The following ROBO1 variants were observed in gnomAD, a reference collection of about 807,000 sequenced individuals.
ROBO1 encodes roundabout homolog 1.
ROBO1 carries 149 observed loss-of-function variants against 195.9 expected under a neutral mutation model. The observed-to-expected ratio is 0.76, with a 90% confidence interval of 0.67 to 0.87. The LOEUF (loss-of-function observed/expected upper bound fraction) is 0.87. Ranked by LOEUF, ROBO1 falls within the 40% of genes least tolerant of loss-of-function variation. The probability of loss-of-function intolerance (pLI) is 0.00; values close to 1 mark genes in which losing one functional copy is unlikely to be tolerated. For synonymous variants in ROBO1, 816 were observed against 733.2 expected, an observed-to-expected ratio of 1.11 and a Z score of -1.82; for missense variants, 1,933 against 2,068.3, an observed-to-expected ratio of 0.93 and a Z score of 1.27.
intron 2 of ROBO1, among the ~76,000 whole-genome samples, chr3:79,502,340 G>T (rs896095358): frequency 6.6e-6 from 1 of 152,270 alleles, no homozygotes; most frequent in East Asian, 1.9e-4. Context: ...TCGGCGAGCC[G>T]CACTTGGAGC....
At chr3:78,929,424 G>A (rs1222434179) in intron 4 of ROBO1, among the ~76,000 whole-genome samples, 1 of 152,090 alleles carries the variant, frequency 6.6e-6, no homozygotes, top group Non-Finnish European at 1.5e-5. Context: ...AGTGTCTCAA[G>A]CAACCTCAGG....
chr3:79,592,452 A>G (rs768279669), intron 1 of ROBO1, among the ~76,000 whole-genome samples: 1 of 152,028 alleles, frequency 6.6e-6, no homozygotes, highest in South Asian at 2.1e-4. Context: ...GTACCCAGAA[A>G]TCAGAAATTA....
intron 1 of ROBO1, among the ~76,000 whole-genome samples, chr3:79,597,262 T>C (rs1159437685): frequency 6.6e-6 from 1 of 151,984 alleles, no homozygotes; most frequent in African/African-American, 2.4e-5. Flanking sequence ...TAGTTGGAAG[T>C]GCATTTCGTG....
At chr3:78,748,746 C>A (rs1319072317) in intron 4 of ROBO1, among the ~76,000 whole-genome samples, 1 of 152,048 alleles carries the variant, frequency 6.6e-6, no homozygotes, top group African/African-American at 2.4e-5. Context: ...AAAAAATCCC[C>A]ATTTTCTAAT....
intron 4 of ROBO1, among the ~76,000 whole-genome samples, chr3:78,817,122 A>G (rs898176771): frequency 6.6e-6 from 1 of 152,186 alleles, no homozygotes; most frequent in African/African-American, 2.4e-5. Flanking sequence ...CATGCTACAG[A>G]AAAATCTTTA....
intron 4 of ROBO1, among the ~76,000 whole-genome samples, chr3:78,823,267 G>A (rs1475772697): frequency 6.7e-6 from 1 of 148,848 alleles, no homozygotes; most frequent in Non-Finnish European, 1.5e-5. Flanking sequence ...TTTCTGCGAT[G>A]CCTTTGTGCC....
At chr3:79,377,593 T>C (rs1162665048) in intron 2 of ROBO1, among the ~76,000 whole-genome samples, 1 of 152,224 alleles carries the variant, frequency 6.6e-6, no homozygotes, top group African/African-American at 2.4e-5. Flanking sequence ...GATGTAGTTT[T>C]TGCCTAATAT....
In ROBO1 at chr3:79,428,686, C is replaced by A. The variant is rs139134109; in HGVS notation, c.88+161138G>T. Among the ~76,000 whole-genome samples, 8 of 152,214 alleles carry A rather than the reference C, an allele frequency of 5.3e-5. No homozygotes were observed. In the East Asian group the frequency reaches 9.7e-4, roughly 18 times the overall value. ...CCCACATGAAGAGTGTTTATATCAG[C>A]TTTATTCATAATCACCTCCACCTGG... On this transcript the variant is annotated intron_variant, in intron 2 of 30. Coordinates refer to ENST00000464233, the MANE Select transcript of ROBO1 (RefSeq NM_002941.4).
intron 3 of ROBO1, among the ~76,000 whole-genome samples, chr3:79,084,384 G>C (rs1304377730): frequency 6.6e-6 from 1 of 152,088 alleles, no homozygotes; most frequent in African/African-American, 2.4e-5. Flanking sequence ...TGTAATCCCC[G>C]CTACTCAGGA....
rs372369623 is a variant in ROBO1 at position 78,607,019 on chromosome 3, C to T, written c.4458G>A (p.Pro1486=). Residue 1486 remains proline, a synonymous_variant, in exon 29 of 31, where the codon CCG becomes CCA. Transcript: ENST00000464233. ...YTDDLPPPPV[P]PPAIKSPTAQ... ...CAGTAGGTGACTTTATAGCAGGTGG[C>T]GGCACAGGAGGTGGTGGAAGATCTA... 3.5e-5 allele frequency: 57 copies of T among 1,611,082 alleles called. 1 individual carries two copies. In the East Asian group the frequency reaches 4.7e-4, roughly 13 times the overall value.
At position 79,717,740 on chromosome 3, in the gene ROBO1, C is replaced by T. The variant is rs550978903; in HGVS notation, c.-51+50012G>A. Among the ~76,000 whole-genome samples the T allele has an allele frequency of 4.6e-5, 7 of 152,042 alleles. No individual in the cohort carries two copies. The South Asian group carries it at 1.2e-3, about 27-fold the overall frequency. On this transcript the variant is annotated intron_variant, in intron 1 of 30. Coordinates refer to ENST00000464233, the MANE Select transcript of ROBO1 (RefSeq NM_002941.4). Reference sequence around the variant, plus strand: ...GTGTGTTTCAATTTTTTAAAACTTACAGTGCTATTCTGAAAAACTTTAGAG... The same window carrying T: ...GTGTGTTTCAATTTTTTAAAACTTATAGTGCTATTCTGAAAAACTTTAGAG...
intron 2 of ROBO1, among the ~76,000 whole-genome samples, chr3:79,338,097 TA>T (rs1200877211): frequency 6.6e-6 from 1 of 152,164 alleles, no homozygotes; most frequent in Non-Finnish European, 1.5e-5. Flanking sequence ...CTTTAAAATT[TA>T]AAAAGTGTTG....
At chr3:79,416,603 TA>T (rs76259270) in intron 2 of ROBO1, among the ~76,000 whole-genome samples, 246 of 113,756 alleles carry the variant, frequency 2.2e-3, no homozygotes, top group Middle Eastern at 5.2e-3. Flanking sequence ...GTGAAACTCT[TA>T]AAAAAAAAAA....
intron 26 of ROBO1, among the ~76,000 whole-genome samples, chr3:78,621,041 T>C (rs1704426600): frequency 1.3e-5 from 2 of 151,770 alleles, no homozygotes; most frequent in South Asian, 4.2e-4. Context: ...TGTGTATATA[T>C]CTGTTATATA....
Position 79,322,017 on chromosome 3 carries a change from T to C in ROBO1, c.89-196478A>G, listed in dbSNP as rs1013194500. 2.6e-5 allele frequency among the ~76,000 whole-genome samples: 4 copies of C among 152,218 alleles called. No homozygotes were observed. The East Asian group carries it at 7.7e-4, about 29-fold the overall frequency. On this transcript the variant is annotated intron_variant, in intron 2 of 30. Transcript: ENST00000464233. ...ATCAAGCACTTCCATTTTTAAAAGG[T>C]CCTAAGATGCTACTAATTCTACTGG... is the stretch of plus-strand genomic sequence containing the variant.
chr3:79,165,903 G>T (rs930848622), intron 2 of ROBO1, among the ~76,000 whole-genome samples: 1 of 152,072 alleles, frequency 6.6e-6, no homozygotes, highest in Non-Finnish European at 1.5e-5. Context: ...AATGTGAGTG[G>T]GCCTGATTCA....
At chr3:79,735,802 C>T (rs1576300049) in intron 1 of ROBO1, among the ~76,000 whole-genome samples, 1 of 148,884 alleles carries the variant, frequency 6.7e-6, no homozygotes, top group Non-Finnish European at 1.5e-5. Context: ...ACCTGGGAGG[C>T]GGAGCTTGCA....
Position 79,589,746 on chromosome 3 carries a change from C to A in ROBO1, c.88+78G>T, listed in dbSNP as rs573087660. 4.2e-3 allele frequency: 4,867 copies of A among 1,170,902 alleles called. 20 individuals carry two copies. Among genetic ancestry groups the A allele is most frequent in the Non-Finnish European group, 5.7e-3 (4,498 of 790,866 alleles). 72.5% of individuals were successfully genotyped at this position (1,170,902 alleles called of 1,614,324 possible). ...GAAAATGAACAAACTTGATTTGCAACACACACAATAAAAAGTGAATTTAAA... is the reference window on the plus strand; with the variant it reads ...GAAAATGAACAAACTTGATTTGCAAAACACACAATAAAAAGTGAATTTAAA... On this transcript the variant is annotated intron_variant, in intron 2 of 30. Coordinates refer to ENST00000464233, the MANE Select transcript of ROBO1 (RefSeq NM_002941.4).
intron 4 of ROBO1, among the ~76,000 whole-genome samples, chr3:78,806,995 A>G (rs1490855961): frequency 6.6e-6 from 1 of 152,024 alleles, no homozygotes; most frequent in Non-Finnish European, 1.5e-5. Context: ...TTTAGTAGAG[A>G]TGGGGTTTCA....
Sources: allele counts gnomAD v4.1 joint callset (sites outside exome capture counted in the v4.1 genomes callset), GRCh38; gene constraint gnomAD v4.1.1; transcripts MANE v1.5; gene names NCBI Gene and HGNC (gene_info 2026-07-23, HGNC 2026-07-21).